The following ERO1B variants were observed in gnomAD, a reference collection of about 807,000 sequenced individuals.
ERO1B encodes the protein endoplasmic reticulum oxidoreductase 1 beta, also known as ERO1-like protein beta.
ERO1B carries 49 observed loss-of-function variants against 75.3 expected under a neutral mutation model. The observed-to-expected ratio is 0.65, with a 90% CI of 0.52 to 0.83. ERO1B has a LOEUF of 0.83. Among genes scored for constraint, ERO1B ranks in the 40% least tolerant of loss-of-function variants. The pLI, the probability that ERO1B is intolerant of heterozygous loss-of-function variation, is 0.00. For synonymous variants in ERO1B, 191 were observed against 192.9 expected, an observed-to-expected ratio of 0.99 and a Z score of 0.08; for missense variants, 512 against 560.1, an observed-to-expected ratio of 0.91 and a Z score of 0.87.
intron 2 of ERO1B, among the ~76,000 whole-genome samples, chr1:236,265,606 A>C (rs893491521): frequency 1.3e-5 from 2 of 152,096 alleles, no homozygotes; most frequent in African/African-American, 4.8e-5. Flanking sequence ...TGGTTCCTCT[A>C]TTTCTTGTCT....
chr1:236,244,394 A>G (rs1664787951), intron 5 of ERO1B, among the ~76,000 whole-genome samples: 2 of 152,192 alleles, frequency 1.3e-5, no homozygotes, highest in Admixed American at 6.6e-5. Context: ...TTCCAGTTCA[A>G]CTTACTGTGG....
chr1:236,245,742 C>T (rs1016507214), intron 5 of ERO1B, among the ~76,000 whole-genome samples: 1 of 145,582 alleles, frequency 6.9e-6, no homozygotes, highest in Non-Finnish European at 1.5e-5. Context: ...TCTGCCACCA[C>T]GCCTGGCTAA....
chr1:236,222,045 CTT>C, intron 13 of ERO1B, 35 bp from the exon 14 acceptor site: 1 of 1,539,604 alleles, frequency 6.5e-7, no homozygotes, highest in Non-Finnish European at 9.0e-7. Flanking sequence ...TCTAATTAGA[CTT>C]TTAAAATTGA....
rs1663955670 is a variant in ERO1B, at chr1:236,215,774, C to T, written c.*2742G>A. 6.6e-6 allele frequency: 1 copy of T among 152,088 alleles called. No individual in the cohort carries two copies. Among genetic ancestry groups the T allele is most frequent in the Non-Finnish European group, 1.5e-5 (1 of 67,992 alleles). 9.4% of individuals were successfully genotyped at this position (152,088 alleles called of 1,614,324 possible). A position where few individuals can be genotyped will look rare whatever the true frequency, so the allele number is the denominator to read the frequency against. On this transcript the variant is annotated 3_prime_UTR_variant, in exon 16 of 16. Coordinates refer to ENST00000354619, the MANE Select transcript of ERO1B (RefSeq NM_019891.4). ...GTAGCTATGGTTTCTGCAGGTACCT[C>T]AGTTTGCAAACTACTGAGAGGTTTA...
At position 236,225,055 on chromosome 1, in the gene ERO1B, T is replaced by A; in HGVS notation, c.1122+15A>T. 1 of 1,612,944 alleles carries A rather than the reference T, an allele frequency of 6.2e-7. No homozygotes were observed. Among genetic ancestry groups the A allele is most frequent in the Non-Finnish European group, 8.5e-7 (1 of 1,178,938 alleles). On this transcript the variant is annotated intron_variant, in intron 13 of 15. Transcript: ENST00000354619. The stretch of plus-strand genomic sequence containing the variant: ...AACTGCTCCCAACCCCGTGTCCCAA[T>A]CGAGAACTTTTTACCTTTAGTGACT...
chr1:236,221,714 A>G, intron 14 of ERO1B: 2 of 489,792 alleles, frequency 4.1e-6, no homozygotes, highest in South Asian at 5.9e-5. Flanking sequence ...CAATAAAACT[A>G]AAATCACTAA....
chr1:236,239,865 A>ATATGTG lies in ERO1B; in HGVS notation c.506-3468_506-3467insCACATA, dbSNP rs1347260798. 0.018 allele frequency among the ~76,000 whole-genome samples: 2,363 copies of ATATGTG among 128,946 alleles called. 221 individuals carry two copies. The East Asian group carries it at 0.23, about 13-fold the overall frequency. The allele number at this position is 128,946 out of a possible 152,430, so 84.6% of individuals were successfully genotyped here. A position where few individuals can be genotyped will look rare whatever the true frequency, so the allele number is the denominator to read the frequency against. On this transcript the variant is annotated intron_variant, in intron 6 of 15. Transcript: ENST00000354619. The stretch of plus-strand genomic sequence containing the variant: ...TATATATATGTGTATATATGTATAT[A>ATATGTG]TATATGTGTATATGTGTGTGTGTGT...
intron 9 of ERO1B, among the ~76,000 whole-genome samples, chr1:236,232,049 T>C (rs1664423115): frequency 6.6e-6 from 1 of 152,186 alleles, no homozygotes; most frequent in African/African-American, 2.4e-5. Flanking sequence ...CGGATCTAAA[T>C]CTGTCCCATT....
At chr1:236,268,842 C>T (rs554745462) in intron 2 of ERO1B, among the ~76,000 whole-genome samples, 35 of 150,530 alleles carry the variant, frequency 2.3e-4, no homozygotes, top group Non-Finnish European at 1.5e-4. Flanking sequence ...GCCGAGATCG[C>T]GCCACTGCAC....
At chr1:236,239,795 A>ATATATATGTGTG (rs1258632489) in intron 6 of ERO1B, among the ~76,000 whole-genome samples, 3 of 87,870 alleles carry the variant, frequency 3.4e-5, no homozygotes, top group Non-Finnish European at 7.9e-5. Flanking sequence ...TCAAGTATAT[A>ATATATATGTGTG]TATATATATA....
At chr1:236,233,682 A>G (rs1664471242) in intron 8 of ERO1B, among the ~76,000 whole-genome samples, 2 of 152,206 alleles carry the variant, frequency 1.3e-5, no homozygotes, top group African/African-American at 4.8e-5. Flanking sequence ...ACTATTTTCA[A>G]TAATTAATTA....
intron 5 of ERO1B, among the ~76,000 whole-genome samples, chr1:236,245,118 T>C (rs1319615660): frequency 6.6e-6 from 1 of 150,894 alleles, no homozygotes; most frequent in Admixed American, 6.6e-5. Context: ...GCCTCCCAAG[T>C]AGCTCGAACT....
At chr1:236,233,035 C>T (rs4659636) in intron 8 of ERO1B, among the ~76,000 whole-genome samples, 196 bp from the exon 9 acceptor site, 65,946 of 151,870 alleles carry the variant, frequency 0.43, 17,017 homozygotes, top group Non-Finnish European at 0.59. Context: ...TTTGGCCAGG[C>T]GTGGTGGCTC....
chr1:236,231,551 T>C (rs1664407807), intron 9 of ERO1B, among the ~76,000 whole-genome samples: 1 of 146,512 alleles, frequency 6.8e-6, no homozygotes, highest in Non-Finnish European at 1.5e-5. Flanking sequence ...TTCTTCTGAG[T>C]TGGGGAAAGA....
chr1:236,227,606 A>G (rs192569100), intron 10 of ERO1B, among the ~76,000 whole-genome samples: 1 of 152,344 alleles, frequency 6.6e-6, no homozygotes, highest in East Asian at 1.9e-4. Flanking sequence ...TTCATCCAAC[A>G]GGTTTTTAAC....
Position 236,215,466 on chromosome 1 carries a change from A to G in ERO1B, c.*3050T>C, listed in dbSNP as rs1558502071. 4.6e-5 allele frequency: 7 copies of G among 152,290 alleles called. No homozygotes were observed. The South Asian group carries it at 1.4e-3, about 32-fold the overall frequency. 9.4% of individuals were successfully genotyped at this position (152,290 alleles called of 1,614,324 possible). A position where few individuals can be genotyped will look rare whatever the true frequency, so the allele number is the denominator to read the frequency against. On this transcript the variant is annotated 3_prime_UTR_variant, in exon 16 of 16. Coordinates refer to ENST00000354619, the MANE Select transcript of ERO1B (RefSeq NM_019891.4). ...ACAACCTCAGACTACTTATAAATAC[A>G]TTTTCTCCCTTCTCCACAGGTTACA...
At chr1:236,260,004 A>C (rs1476608368) in intron 2 of ERO1B, among the ~76,000 whole-genome samples, 5 of 152,228 alleles carry the variant, frequency 3.3e-5, no homozygotes, top group Non-Finnish European at 7.3e-5. Flanking sequence ...TAACAAATTT[A>C]AGAACACTGA....
rs1487276990 is a variant in ERO1B, at chr1:236,218,213, G to A, written c.*303C>T. 2.5e-5 allele frequency: 4 copies of A among 161,622 alleles called. No homozygotes were observed. Among genetic ancestry groups the A allele is most frequent in the South Asian group, 1.9e-4 (1 of 5,184 alleles). 10.0% of individuals were successfully genotyped at this position (161,622 alleles called of 1,614,324 possible). A position where few individuals can be genotyped will look rare whatever the true frequency, so the allele number is the denominator to read the frequency against. Reference sequence around the variant, plus strand: ...TTAAAGTTTGACAACTGGAAATAAAGGATAATAGAATAAAAACAAAACCAA... The same window carrying A: ...TTAAAGTTTGACAACTGGAAATAAAAGATAATAGAATAAAAACAAAACCAA... On this transcript the variant is annotated 3_prime_UTR_variant, in exon 16 of 16. Transcript: ENST00000354619.
At chr1:236,260,384 G>A (rs538843437) in intron 2 of ERO1B, among the ~76,000 whole-genome samples, 33 of 152,198 alleles carry the variant, frequency 2.2e-4, no homozygotes, top group Non-Finnish European at 4.3e-4. Flanking sequence ...GAGGCACTGG[G>A]CGCAGTGGCT....
Sources: gnomAD v4.1 joint callset for allele counts (sites outside exome capture counted in the v4.1 genomes callset) on GRCh38, gnomAD v4.1.1 for gene constraint, MANE v1.5 for transcripts, NCBI Gene and HGNC (gene_info 2026-07-23, HGNC 2026-07-21) for gene names.